The following LGMN variants were observed in gnomAD, a reference collection of about 807,000 sequenced individuals.
LGMN encodes legumain.
In LGMN, 36 loss-of-function variants were observed where a neutral mutation model predicts 56.8. That is an observed-to-expected ratio of 0.63 (90% CI 0.49 to 0.84). The LOEUF is 0.84. LGMN is among the 40% of genes least tolerant of loss of function. The probability of loss-of-function intolerance (pLI) is 0.00; values close to 1 mark genes in which losing one functional copy is unlikely to be tolerated. For synonymous variants in LGMN, 199 were observed against 210.1 expected, an observed-to-expected ratio of 0.95 and a Z score of 0.46; for missense variants, 446 against 556.1, an observed-to-expected ratio of 0.80 and a Z score of 1.99.
intron 1 of LGMN, among the ~76,000 whole-genome samples, chr14:92,744,798 T>C (rs1000606380): frequency 1.3e-5 from 2 of 152,216 alleles, no homozygotes; most frequent in African/African-American, 4.8e-5. Flanking sequence ...GGTTTCTCCA[T>C]GTTGAGGCTG....
intron 1 of LGMN, among the ~76,000 whole-genome samples, chr14:92,747,426 G>T (rs1891869789): frequency 6.6e-6 from 1 of 151,292 alleles, no homozygotes; most frequent in Non-Finnish European, 1.5e-5. Context: ...AAAGGTGGAG[G>T]TTGCAGTGAG....
At chr14:92,712,761 C>A in intron 8 of LGMN, 44 bp downstream of exon 8, 1 of 1,594,662 alleles carries the variant, frequency 6.3e-7, no homozygotes, top group Non-Finnish European at 8.6e-7. Flanking sequence ...GTCTGAGCAA[C>A]CTGCTTGCCA....
intron 11 of LGMN, among the ~76,000 whole-genome samples, chr14:92,708,856 C>CAAAAAAAAAAAAAAAAAAAA (rs58813848): frequency 2.1e-4 from 15 of 71,634 alleles, no homozygotes; most frequent in African/African-American, 5.1e-4. Context: ...ACTCTTGTCT[C>CAAAAAAAAAAAAAAAAAAAA]AAAAAAAAAA....
chr14:92,737,339 C>T (rs1891354658), intron 1 of LGMN, among the ~76,000 whole-genome samples: 2 of 152,186 alleles, frequency 1.3e-5, no homozygotes, highest in East Asian at 3.8e-4. Context: ...GGCAAGTTCA[C>T]CTAACTCCTC....
At chr14:92,739,259 A>G (rs138516607) in intron 1 of LGMN, among the ~76,000 whole-genome samples, 5 of 152,292 alleles carry the variant, frequency 3.3e-5, no homozygotes, top group African/African-American at 4.8e-5. Context: ...CAGCATCCCT[A>G]TGATTCCTGG....
chr14:92,710,250 C>T (rs1322823315), intron 10 of LGMN, among the ~76,000 whole-genome samples: 1 of 152,246 alleles, frequency 6.6e-6, no homozygotes, highest in Non-Finnish European at 1.5e-5. Flanking sequence ...AATAGCAGTT[C>T]TGCTGCAAAG....
chr14:92,722,473 C>T (rs577598909), intron 2 of LGMN, among the ~76,000 whole-genome samples: 27 of 152,056 alleles, frequency 1.8e-4, no homozygotes, highest in Non-Finnish European at 2.8e-4. Context: ...ATCCCAGCTA[C>T]TCGGGAGGCT....
At chr14:92,720,125 T>C (rs1378181636) in intron 2 of LGMN, among the ~76,000 whole-genome samples, 2 of 152,340 alleles carry the variant, frequency 1.3e-5, no homozygotes, top group East Asian at 3.9e-4. Flanking sequence ...GCTGAATGGG[T>C]GAGGTCCAGG....
intron 1 of LGMN, among the ~76,000 whole-genome samples, chr14:92,733,523 T>C (rs577497549): frequency 1.2e-4 from 18 of 152,188 alleles, no homozygotes; most frequent in African/African-American, 4.3e-4. Context: ...TAAAATAAAC[T>C]GTGCAGGCTG....
intron 1 of LGMN, among the ~76,000 whole-genome samples, chr14:92,739,196 T>G (rs571550751): frequency 1.3e-5 from 2 of 152,206 alleles, no homozygotes; most frequent in Non-Finnish European, 2.9e-5. Context: ...GGGCATTTAT[T>G]GTATGATTTT....
At chr14:92,729,472 C>T (rs1298898868) in intron 2 of LGMN, among the ~76,000 whole-genome samples, 2 of 66,684 alleles carry the variant, frequency 3.0e-5, no homozygotes, top group Non-Finnish European at 7.0e-5. Flanking sequence ...ATCACGCCCC[C>T]CCCCCCCGCC....
intron 11 of LGMN, among the ~76,000 whole-genome samples, chr14:92,707,679 T>C: frequency 6.6e-6 from 1 of 152,278 alleles, no homozygotes; most frequent in South Asian, 2.1e-4. Flanking sequence ...TTGTTAAGAA[T>C]ATTGTTATTT....
intron 1 of LGMN, among the ~76,000 whole-genome samples, chr14:92,737,647 G>C (rs888880188): frequency 5.9e-5 from 9 of 152,194 alleles, no homozygotes; most frequent in African/African-American, 2.2e-4. Context: ...CTAAAGGTGG[G>C]ATGCCTGTGT....
At chr14:92,748,385 A>C (rs1314727829) in intron 1 of LGMN, 104 bp downstream of exon 1, 1 of 152,564 alleles carries the variant, frequency 6.6e-6, no homozygotes, top group Non-Finnish European at 1.5e-5. Context: ...GACGGGAAAA[A>C]TGAAAATCCC....
intron 1 of LGMN, among the ~76,000 whole-genome samples, chr14:92,733,350 G>C (rs1025070756): frequency 3.9e-5 from 6 of 152,106 alleles, no homozygotes; most frequent in Non-Finnish European, 8.8e-5. Flanking sequence ...ACAAGTCCAA[G>C]TCATGCATAT....
intron 2 of LGMN, among the ~76,000 whole-genome samples, chr14:92,719,181 C>CACTGCCACCACATATATAGGTAAG (rs1890244940): frequency 8.0e-6 from 1 of 124,424 alleles, no homozygotes; most frequent in African/African-American, 3.4e-5. Flanking sequence ...CCACCACCAC[C>CACTGCCACCACATATATAGGTAAG]ATCACCACCA....
chr14:92,712,781 G>C, intron 8 of LGMN, 24 bp downstream of exon 8: 1 of 1,611,198 alleles, frequency 6.2e-7, no homozygotes, highest in Non-Finnish European at 8.5e-7. Context: ...AGCCCAGGTC[G>C]AGGCCGGCGC....
At chr14:92,709,971 G>A (rs1889674144) in intron 10 of LGMN, 99 bp from the exon 11 acceptor site, 3 of 949,290 alleles carry the variant, frequency 3.2e-6, no homozygotes, top group South Asian at 3.4e-5. Flanking sequence ...TGAGTGGGAG[G>A]AGCAGAGGTG....
intron 7 of LGMN, among the ~76,000 whole-genome samples, chr14:92,713,151 A>C (rs972616445): frequency 6.6e-6 from 1 of 152,358 alleles, no homozygotes; most frequent in East Asian, 1.9e-4. Flanking sequence ...CATCCAGTGC[A>C]GGGAGGAGTT....
Sources: gnomAD v4.1 joint callset for allele counts (sites outside exome capture counted in the v4.1 genomes callset) on GRCh38, gnomAD v4.1.1 for gene constraint, MANE v1.5 for transcripts, NCBI Gene and HGNC (gene_info 2026-07-23, HGNC 2026-07-21) for gene names.